Variants in CCNG1 observed in about 807,000 individuals in gnomAD.
The protein encoded by CCNG1 is cyclin G1.
In CCNG1, 13 loss-of-function variants were observed where a neutral mutation model predicts 30.0. The ratio of observed to expected loss-of-function variants is 0.43; its 90% CI spans 0.28 to 0.69. The LOEUF (loss-of-function observed/expected upper bound fraction) is 0.69. CCNG1 is among the 30% of genes least tolerant of loss of function. The probability of loss-of-function intolerance (pLI) is 0.16; values close to 1 mark genes in which losing one functional copy is unlikely to be tolerated. For missense variants in CCNG1, 285 were observed against 331.4 expected (o/e 0.86, Z 1.09); for synonymous variants, 110 against 121.5 (o/e 0.91, Z 0.62).
chr5:163,454,093 G>A, the CCNG1 span: 1 of 1,056,290 alleles, frequency 9.5e-7, no homozygotes, highest in South Asian at 2.2e-5. Context: ...AAACTTATAA[G>A]GAAAAATACA....
chr5:163,440,746 A>G (rs1384334387), intron 2 of CCNG1, among the ~76,000 whole-genome samples: 1 of 152,204 alleles, frequency 6.6e-6, no homozygotes, highest in Non-Finnish European at 1.5e-5. Context: ...CAGTCCTCAT[A>G]TATCTTTGAC....
chr5:163,442,137 T>G lies in CCNG1; in HGVS notation c.690T>G (p.His230Gln). 1 of 1,597,584 alleles carries G rather than the reference T, an allele frequency of 6.3e-7. No individual in the cohort carries two copies. Among genetic ancestry groups the G allele is most frequent in the African/African-American group, 1.3e-5 (1 of 74,672 alleles). The change falls in exon 5 of 7, where the codon CAT (histidine) becomes CAG (glutamine). Residue 230 changes from histidine to glutamine, a missense_variant. Transcript: ENST00000340828. ...AAGGAATAGAATGTCTTCAGAAACATTCCAAGGTATGTGAAGGACATAGCC... is the reference window on the plus strand; with the variant it reads ...AAGGAATAGAATGTCTTCAGAAACAGTCCAAGGTATGTGAAGGACATAGCC... ...LTEGIECLQK[H>Q]SKINGRDLTF...
At chr5:163,438,019 AGCCTGGGGAG>A (rs1757577265) in intron 1 of CCNG1, among the ~76,000 whole-genome samples, 1 of 152,184 alleles carries the variant, frequency 6.6e-6, no homozygotes, top group Non-Finnish European at 1.5e-5. Flanking sequence ...CCCAGGGACT[AGCCTGGGGAG>A]GAAGAATGGA....
chr5:163,449,947 A>C (rs1016392868), downstream of CCNG1: 1 of 152,182 alleles, frequency 6.6e-6, no homozygotes, highest in African/African-American at 2.4e-5. Context: ...TAAATTTATA[A>C]AATTTTTAGA....
chr5:163,454,262 A>G, the CCNG1 span, among the ~76,000 whole-genome samples: 1 of 152,196 alleles, frequency 6.6e-6, no homozygotes, highest in Non-Finnish European at 1.5e-5. Context: ...TGTACACTAC[A>G]ATGTTGGCAA....
At chr5:163,439,235 T>C (rs767222349) in intron 1 of CCNG1, 22 bp from the exon 2 acceptor site, 4 of 1,605,712 alleles carry the variant, frequency 2.5e-6, no homozygotes, top group Admixed American at 1.7e-5. Context: ...CACTCCTTGC[T>C]GGTCTTTTTT....
rs746289913 is a variant in CCNG1 at position 163,441,150 on chromosome 5, A to G, written c.337A>G (p.Arg113Gly). Residue 113 changes from arginine to glycine, a missense_variant, in exon 3 of 7, where the codon AGG becomes GGG. Transcript: ENST00000340828. ...YLAVKSIEEE[R>G]NVPLATDLIR... ...GGCTGTAAAATCAATAGAAGAGGAA[A>G]GGAATGTCCCATTGGCAACTGACTT... 14 of 1,613,888 alleles carry G rather than the reference A, an allele frequency of 8.7e-6. No homozygotes were observed. In the South Asian group the frequency reaches 1.5e-4, roughly 18 times the overall value.
rs192535026 is a variant in CCNG1, at chr5:163,444,835, T to G, written c.*1165T>G. On this transcript the variant is annotated 3_prime_UTR_variant, in exon 7 of 7. Coordinates refer to ENST00000340828, the MANE Select transcript of CCNG1 (RefSeq NM_004060.4). ...AAAAACCAAAGAACCACAGTATATC[T>G]TATTCTTAACTTTTGTAAACCATGT... 165 of 152,768 alleles carry G rather than the reference T, an allele frequency of 1.1e-3. No homozygotes were observed. Among genetic ancestry groups the G allele is most frequent in the African/African-American group, 3.9e-3 (161 of 41,576 alleles). The allele number at this position is 152,768 out of a possible 1,614,324, so 9.5% of individuals were successfully genotyped here.
Position 163,439,286 on chromosome 5 carries a change from T to C in CCNG1, c.30T>C (p.Ser10=), listed in dbSNP as rs776928202. 6.2e-7 allele frequency: 1 copy of C among 1,613,714 alleles called. No homozygotes were observed. Among genetic ancestry groups the C allele is most frequent in the Non-Finnish European group, 8.5e-7 (1 of 1,179,992 alleles). Residue 10 remains serine (S), a synonymous_variant, in exon 2 of 7, where the codon TCT becomes TCC. Coordinates refer to ENST00000340828, the MANE Select transcript of CCNG1 (RefSeq NM_004060.4). The part of the protein sequence containing the change: MIEVLTTTD[S]QKLLHQLNAL... ...TAGAGGTACTGACAACAACTGACTC[T>C]CAGAAACTGCTACACCAGCTGAATG...
At chr5:163,455,330 G>A in the CCNG1 span, among the ~76,000 whole-genome samples, 2 of 152,200 alleles carry the variant, frequency 1.3e-5, no homozygotes, top group Non-Finnish European at 2.9e-5. Flanking sequence ...AGGCCAGTAT[G>A]GCAAAAGCAG....
At position 163,441,250 on chromosome 5, in the gene CCNG1, G is replaced by C. The variant is rs765193059; in HGVS notation, c.437G>C (p.Cys146Ser). The C allele has an allele frequency of 6.2e-7, 1 of 1,613,986 alleles. No homozygotes were observed. Among genetic ancestry groups the C allele is most frequent in the Admixed American group, 1.7e-5 (1 of 60,018 alleles). The change falls in exon 3 of 7, where the codon TGT becomes TCT. Residue 146 changes from cysteine to serine, a missense_variant. Cys to Ser is a moderately radical substitution (Grantham distance 112). Coordinates refer to ENST00000340828, the MANE Select transcript of CCNG1 (RefSeq NM_004060.4). Reference sequence around the variant, plus strand: ...GAAAAGATTGTATTGGAGAAGGTGTGTTGGAAAGTCAAAGCTACTACTGCC... The same window carrying C: ...GAAAAGATTGTATTGGAGAAGGTGTCTTGGAAAGTCAAAGCTACTACTGCC... ...RMEKIVLEKV[C>S]WKVKATTAFQ...
the CCNG1 span, chr5:163,452,524 T>C: frequency 2.0e-5 from 3 of 152,184 alleles, no homozygotes; most frequent in Non-Finnish European, 4.4e-5. Flanking sequence ...CTGAATAAAA[T>C]AGAAAATAAT....
downstream of CCNG1, chr5:163,449,023 C>T (rs941488517): frequency 1.3e-5 from 2 of 152,148 alleles, no homozygotes; most frequent in African/African-American, 4.8e-5. Flanking sequence ...CTTTCAAAAT[C>T]CTAAGATCCA....
chr5:163,441,651 T>C (rs929020642), intron 3 of CCNG1: 1 of 489,862 alleles, frequency 2.0e-6, no homozygotes. Context: ...AAATCTTGTA[T>C]TTGTGGCATA....
downstream of CCNG1, chr5:163,450,509 A>G (rs1758152017): frequency 6.6e-6 from 1 of 152,258 alleles, no homozygotes; most frequent in South Asian, 2.1e-4. Flanking sequence ...AAATGGGTAA[A>G]TAATTTGAAT....
intron 2 of CCNG1, 101 bp downstream of exon 2, chr5:163,439,621 A>G: frequency 1.1e-6 from 1 of 946,918 alleles, no homozygotes; most frequent in Non-Finnish European, 1.6e-6. Flanking sequence ...TTTTTTTTTC[A>G]GCACGTAGCC....
At position 163,437,966 on chromosome 5, in the gene CCNG1, G is replaced by A. The variant is rs576055632; in HGVS notation, c.-1+162G>A. On this transcript the variant is annotated intron_variant, in intron 1 of 6. Coordinates refer to ENST00000340828, the MANE Select transcript of CCNG1 (RefSeq NM_004060.4). ...AGTCCGAGGCTGGAGGGGCGGAGCC[G>A]GATCCGGCCTCCTGAGGTGCCTTTC... 2.3e-4 allele frequency among the ~76,000 whole-genome samples: 35 copies of A among 152,286 alleles called. No individual in the cohort carries two copies. The South Asian group carries it at 7.2e-3, about 32-fold the overall frequency.
At chr5:163,455,476 C>CT in the CCNG1 span, among the ~76,000 whole-genome samples, 1 of 152,136 alleles carries the variant, frequency 6.6e-6, no homozygotes, top group African/African-American at 2.4e-5. Flanking sequence ...AAGAACTGCT[C>CT]TAACTGGCTG....
chr5:163,443,478 A>G (rs1757931976), intron 6 of CCNG1, among the ~76,000 whole-genome samples, 196 bp from the exon 7 acceptor site: 2 of 152,216 alleles, frequency 1.3e-5, no homozygotes, highest in Admixed American at 6.5e-5. Context: ...TGCTTTCTGC[A>G]TATGTGATAT....
Sources: allele counts gnomAD v4.1 joint callset (sites outside exome capture counted in the v4.1 genomes callset), GRCh38; gene constraint gnomAD v4.1.1; transcripts MANE v1.5; gene names NCBI Gene and HGNC (gene_info 2026-07-23, HGNC 2026-07-21).